Variants in TEP1 observed in about 807,000 individuals in gnomAD.
The protein encoded by TEP1 is telomerase protein component 1.
A neutral mutation model predicts 306.3 loss-of-function variants in TEP1; 241 were observed. The ratio of observed to expected loss-of-function variants is 0.79; its 90% CI spans 0.71 to 0.88. The LOEUF (loss-of-function observed/expected upper bound fraction) is 0.88, where lower values mean the gene tolerates loss of function less well. TEP1 is among the 40% of genes least tolerant of loss of function. The probability of loss-of-function intolerance (pLI) is 0.00; values close to 1 mark genes in which losing one functional copy is unlikely to be tolerated. For synonymous variants in TEP1, 1,289 were observed against 1,305.5 expected (o/e 0.99, Z 0.27); for missense variants, 3,051 against 3,276.1 (o/e 0.93, Z 1.68).
chr14:20,378,853 C>A lies in TEP1; in HGVS notation c.5253G>T (p.Arg1751=). The change falls in exon 37 of 55, where the codon CGG becomes CGT. Residue 1751 remains arginine (R), a splice_region_variant and synonymous_variant. Coordinates refer to ENST00000262715, the MANE Select transcript of TEP1 (RefSeq NM_007110.5). ...ACTGGTGAGCCTTAGTCTGCAGCACCCTATCCCAGGAAGATGAAGTCAGTC... is the reference window on the plus strand; with the variant it reads ...ACTGGTGAGCCTTAGTCTGCAGCACACTATCCCAGGAAGATGAAGTCAGTC... The part of the protein sequence containing the change: ...LELWDLQHGC[R]VLQTKAHQYQ... 6.2e-7 allele frequency: 1 copy of A among 1,614,172 alleles called. No homozygotes were observed. Among genetic ancestry groups the A allele is most frequent in the South Asian group, 1.1e-5 (1 of 91,074 alleles).
chr14:20,395,342 G>T, intron 12 of TEP1, 108 bp downstream of exon 12: 1 of 1,211,514 alleles, frequency 8.3e-7, no homozygotes, highest in Non-Finnish European at 1.1e-6. Context: ...TGCGATGACT[G>T]ACAAGCAAAC....
chr14:20,389,379 A>T, intron 16 of TEP1, 82 bp from the exon 17 acceptor site: 1 of 1,536,316 alleles, frequency 6.5e-7, no homozygotes. Context: ...CCAAGATGAA[A>T]ACCCCACTTC....
Position 20,373,250 on chromosome 14 carries a change from T to C in TEP1, c.6814+20A>G. The C allele has an allele frequency of 6.2e-7, 1 of 1,613,120 alleles. No homozygotes were observed. The highest frequency in any genetic ancestry group is 8.5e-7 in the Non-Finnish European group (1 of 1,179,186). Reference sequence around the variant, plus strand: ...TTTTGTGCCAGTAACACACCCTGTCTCTCTCCAAGCCTCACTCACCTGCTT... The same window carrying C: ...TTTTGTGCCAGTAACACACCCTGTCCCTCTCCAAGCCTCACTCACCTGCTT... On this transcript the variant is annotated intron_variant, in intron 47 of 54. Transcript: ENST00000262715.
At chr14:20,393,539 C>T (rs1355791278) in intron 12 of TEP1, among the ~76,000 whole-genome samples, 1 of 152,182 alleles carries the variant, frequency 6.6e-6, no homozygotes, top group Admixed American at 6.5e-5. Flanking sequence ...CGCCTGTAAT[C>T]CCAGTACTTT....
intron 5 of TEP1, among the ~76,000 whole-genome samples, chr14:20,404,356 CA>C (rs34000493): frequency 2.2e-3 from 211 of 95,494 alleles, no homozygotes; most frequent in Non-Finnish European, 3.2e-3. Context: ...ACTCCGTCTC[CA>C]AAAAAAAAAA....
At position 20,384,133 on chromosome 14, in the gene TEP1, G is replaced by A. The variant is rs371089058; in HGVS notation, c.3439C>T (p.Arg1147Cys). 1.9e-5 allele frequency: 31 copies of A among 1,614,038 alleles called. No individual in the cohort carries two copies. Among genetic ancestry groups the A allele is most frequent in the East Asian group, 4.5e-5 (2 of 44,892 alleles). The change falls in exon 24 of 55, where the codon CGC becomes TGC. Residue 1147 changes from arginine (R) to cysteine (C), a missense_variant. Arg to Cys is a radical substitution (Grantham distance 180). Coordinates refer to ENST00000262715, the MANE Select transcript of TEP1 (RefSeq NM_007110.5). ...LQKPPSPARP[R>C]LLQDTVQRLM... ...CGTTGCACTGTGTCCTGAAGAAGGCGTGGCCGGGCAGGACTCGGTGGCTTC... is the reference window on the plus strand; with the variant it reads ...CGTTGCACTGTGTCCTGAAGAAGGCATGGCCGGGCAGGACTCGGTGGCTTC...
chr14:20,377,583 C>T lies in TEP1; in HGVS notation c.5875+17G>A. 1 of 1,614,106 alleles carries T rather than the reference C, an allele frequency of 6.2e-7. No individual in the cohort carries two copies. Among genetic ancestry groups the T allele is most frequent in the Non-Finnish European group, 8.5e-7 (1 of 1,179,984 alleles). ...CTTTCTAAAGGCTCAAAAACCCACCCATTCCCATTTCAGTACCTGAAGAGA... is the reference window on the plus strand; with the variant it reads ...CTTTCTAAAGGCTCAAAAACCCACCTATTCCCATTTCAGTACCTGAAGAGA... On this transcript the variant is annotated intron_variant, in intron 40 of 54. Coordinates refer to ENST00000262715, the MANE Select transcript of TEP1 (RefSeq NM_007110.5).
intron 7 of TEP1, among the ~76,000 whole-genome samples, chr14:20,402,580 A>G (rs938809128): frequency 1.3e-5 from 2 of 152,170 alleles, no homozygotes; most frequent in Non-Finnish European, 2.9e-5. Flanking sequence ...CAACCTAACA[A>G]TGTAGGTTCT....
chr14:20,373,401 A>G lies in TEP1; in HGVS notation c.6683T>C (p.Val2228Ala), dbSNP rs1245216217. 3 of 1,614,076 alleles carry G rather than the reference A, an allele frequency of 1.9e-6. No homozygotes were observed. The highest frequency in any genetic ancestry group is 2.2e-5 in the South Asian group (2 of 91,084). The change falls in exon 47 of 55, where the codon GTG becomes GCG. Residue 2228 changes from valine to alanine, a missense_variant and splice_region_variant. This residue lies in a region of TEP1 where 1,540 missense variants were observed against 1,705.9 expected (regional missense o/e 0.90). Transcript: ENST00000262715. ...GATRLWHPLLVCQTHTLLGHS... is the reference protein window; with the variant it reads ...GATRLWHPLLACQTHTLLGHS... ...TCCCAGGAGGGTGTGGGTTTGGCAC[A>G]CCTAGGAGGAAGGGATGGAGATGGG... is the stretch of plus-strand genomic sequence containing the variant.
rs1367742863 is a variant in TEP1, at chr14:20,376,291, A to G, written c.6089-27T>C. ...TGCATTGGAAAAAGAGAGAGGGAAC[A>G]GCTTCCTGAAAGAGGAAGCCAGACA... On this transcript the variant is annotated intron_variant, in intron 41 of 54. Coordinates refer to ENST00000262715, the MANE Select transcript of TEP1 (RefSeq NM_007110.5). 3.1e-6 allele frequency: 5 copies of G among 1,600,510 alleles called. No homozygotes were observed. In the East Asian group the frequency reaches 1.1e-4, roughly 36 times the overall value.
chr14:20,409,405 A>G (rs1879453046), intron 1 of TEP1, among the ~76,000 whole-genome samples: 1 of 152,184 alleles, frequency 6.6e-6, no homozygotes, highest in Admixed American at 6.5e-5. Context: ...GTGGCTCCAA[A>G]TGACATTTCT....
At position 20,369,491 on chromosome 14, in the gene TEP1, G is replaced by A. The variant is rs759471372; in HGVS notation, c.7509C>T (p.Asn2503=). The part of the protein sequence containing the change: ...CSPEGEWTTG[N]MWQKKANTPE... ...GAGTGTTTGCTTTTTTCTGCCACATGTTACCTGTGGTCCATTCTCCTTCTG... is the reference window on the plus strand; with the variant it reads ...GAGTGTTTGCTTTTTTCTGCCACATATTACCTGTGGTCCATTCTCCTTCTG... The change falls in exon 53 of 55, where the codon AAC becomes AAT. Residue 2503 remains asparagine (N), a synonymous_variant. Coordinates refer to ENST00000262715, the MANE Select transcript of TEP1 (RefSeq NM_007110.5). 5.6e-6 allele frequency: 9 copies of A among 1,614,012 alleles called. No individual in the cohort carries two copies. Among genetic ancestry groups the A allele is most frequent in the African/African-American group, 2.7e-5 (2 of 74,880 alleles).
intron 12 of TEP1, among the ~76,000 whole-genome samples, chr14:20,395,023 T>TAC (rs1292878436): frequency 1.3e-5 from 2 of 151,130 alleles, no homozygotes; most frequent in African/African-American, 4.9e-5. Flanking sequence ...TATTTCAAAA[T>TAC]ACACACACAC....
At chr14:20,395,423 C>T (rs776448663) in intron 12 of TEP1, 27 bp downstream of exon 12, 3 of 1,539,586 alleles carry the variant, frequency 1.9e-6, no homozygotes, top group African/African-American at 1.4e-5. Context: ...ATTGCCCACC[C>T]TTGGCTCCCA....
intron 3 of TEP1, 75 bp from the exon 4 acceptor site, chr14:20,405,660 T>C (rs1238306760): frequency 6.5e-7 from 1 of 1,545,314 alleles, no homozygotes; most frequent in Non-Finnish European, 8.8e-7. Flanking sequence ...GCAGACTAAC[T>C]TACAAAGTCA....
intron 53 of TEP1, among the ~76,000 whole-genome samples, 191 bp from the exon 54 acceptor site, chr14:20,369,093 T>C (rs1341091682): frequency 6.6e-6 from 1 of 151,974 alleles, no homozygotes; most frequent in Non-Finnish European, 1.5e-5. Context: ...CCGCAAGCTC[T>C]GCCTCCCGGG....
chr14:20,379,584 G>C (rs1241190378), intron 35 of TEP1, among the ~76,000 whole-genome samples: 1 of 152,128 alleles, frequency 6.6e-6, no homozygotes, highest in Non-Finnish European at 1.5e-5. Context: ...TCCTCCTATA[G>C]CTGCACAACT....
intron 37 of TEP1, 29 bp downstream of exon 37, chr14:20,378,725 C>T (rs776759410): frequency 5.6e-6 from 9 of 1,610,340 alleles, no homozygotes; most frequent in Non-Finnish European, 5.9e-6. Context: ...CTCAGGGCCA[C>T]TCTGACCACT....
intron 9 of TEP1, among the ~76,000 whole-genome samples, chr14:20,400,497 C>CAAAAAAAAAAAAA (rs71108598): frequency 1.3e-4 from 11 of 85,484 alleles, no homozygotes; most frequent in East Asian, 3.1e-4. Flanking sequence ...AAAAGTAGAC[C>CAAAAAAAAAAAAA]AAAAAAAAAA....
Sources: allele counts gnomAD v4.1 joint callset (sites outside exome capture counted in the v4.1 genomes callset), GRCh38; gene constraint gnomAD v4.1.1; regional missense constraint gnomAD v4.1.1; transcripts MANE v1.5; gene names NCBI Gene and HGNC (gene_info 2026-07-23, HGNC 2026-07-21).